Variants in CSPG4 observed in about 807,000 individuals in gnomAD.
CSPG4 encodes chondroitin sulfate proteoglycan 4 (melanoma-associated).
CSPG4 carries 74 observed loss-of-function variants against 139.3 expected under a neutral mutation model. The ratio of observed to expected loss-of-function variants is 0.53; its 90% CI spans 0.44 to 0.64. The LOEUF (loss-of-function observed/expected upper bound fraction) is 0.64, where lower values mean the gene tolerates loss of function less well. Ranked by LOEUF, CSPG4 falls within the 30% of genes least tolerant of loss-of-function variation. CSPG4 has a pLI of 0.00. For synonymous variants in CSPG4, 1,234 were observed against 1,394.2 expected (o/e 0.89, Z 2.56); for missense variants, 2,565 against 3,148.3 (o/e 0.81, Z 4.43).
chr15:75,688,746 C>A lies in CSPG4; in HGVS notation c.2319G>T (p.Leu773=). ...VQVGQEILSN[L]SFPVTIQRAT... ...CTCTCTGGATGGTCACTGGGAAGGACAGATTGCTCAGGATCTCCTGGCCCA... is the reference window on the plus strand; with the variant it reads ...CTCTCTGGATGGTCACTGGGAAGGAAAGATTGCTCAGGATCTCCTGGCCCA... Residue 773 remains leucine, a synonymous_variant, in exon 3 of 10, where the codon CTG becomes CTT. Transcript: ENST00000308508. The A allele has an allele frequency of 2.5e-6, 4 of 1,612,328 alleles. No homozygotes were observed. The South Asian group carries it at 4.4e-5, about 18-fold the overall frequency.
At chr15:75,711,135 T>C (rs1273023328) in intron 1 of CSPG4, among the ~76,000 whole-genome samples, 2 of 151,682 alleles carry the variant, frequency 1.3e-5, no homozygotes. Flanking sequence ...CTGACTCCCT[T>C]CCCATCCACC....
At chr15:75,691,001 C>T (rs773123785) in intron 2 of CSPG4, among the ~76,000 whole-genome samples, 189 bp from the exon 3 acceptor site, 1 of 152,238 alleles carries the variant, frequency 6.6e-6, no homozygotes, top group East Asian at 1.9e-4. Flanking sequence ...ATGGAGAAAC[C>T]CTGTCTCTAC....
At chr15:75,685,994 C>T (rs747231046) in intron 3 of CSPG4, among the ~76,000 whole-genome samples, 7 of 152,178 alleles carry the variant, frequency 4.6e-5, no homozygotes, top group Non-Finnish European at 8.8e-5. Flanking sequence ...CTCAAGGGAT[C>T]CTCCTACCTC....
chr15:75,689,703 G>C lies in CSPG4; in HGVS notation c.1362C>G (p.Pro454=). 6.2e-7 allele frequency: 1 copy of C among 1,612,894 alleles called. No individual in the cohort carries two copies. Among genetic ancestry groups the C allele is most frequent in the East Asian group, 2.2e-5 (1 of 44,886 alleles). Residue 454 remains proline, a synonymous_variant, in exon 3 of 10, where the codon CCC becomes CCG. Transcript: ENST00000308508. The part of the protein sequence containing the change: ...TAWLEWRHVQ[P]TLDLMEAELR... Reference sequence around the variant, plus strand: ...GCTCAGCCTCCATCAGGTCCAGCGTGGGCTGCACATGCCTCCACTCAAGCC... The same window carrying C: ...GCTCAGCCTCCATCAGGTCCAGCGTCGGCTGCACATGCCTCCACTCAAGCC...
intron 8 of CSPG4, among the ~76,000 whole-genome samples, chr15:75,678,187 T>G (rs1015296824): frequency 6.6e-6 from 1 of 152,174 alleles, no homozygotes; most frequent in Non-Finnish European, 1.5e-5. Flanking sequence ...AAGCGAGTAC[T>G]TCCTCTTGTG....
In CSPG4 at chr15:75,685,500, C is replaced by G; in HGVS notation, c.3991G>C (p.Ala1331Pro). 1 of 1,610,954 alleles carries G rather than the reference C, an allele frequency of 6.2e-7. No homozygotes were observed. The highest frequency in any genetic ancestry group is 8.5e-7 in the Non-Finnish European group (1 of 1,179,534). ...CCTGAGGCCACATCCAGCGAGAAGGCATCGCTCCAGGCCTCAGGGCGGGAG... is the reference window on the plus strand; with the variant it reads ...CCTGAGGCCACATCCAGCGAGAAGGGATCGCTCCAGGCCTCAGGGCGGGAG... ...LHSRPEAWSD[A>P]FSLDVASGLG... The change falls in exon 4 of 10, where the codon GCC becomes CCC. Residue 1331 changes from alanine to proline, a missense_variant. By Grantham distance (27) the Ala-to-Pro change is conservative (BLOSUM62 -1). This residue lies in a region of CSPG4 where 2,316 missense variants were observed against 2,818.2 expected (regional missense o/e 0.82). Transcript: ENST00000308508.
chr15:75,700,225 G>C (rs1894283324), intron 1 of CSPG4, among the ~76,000 whole-genome samples: 1 of 152,200 alleles, frequency 6.6e-6, no homozygotes, highest in African/African-American at 2.4e-5. Context: ...GAGAGGCGTG[G>C]TGGGTTTGCT....
At chr15:75,693,273 T>G (rs761342999) in intron 1 of CSPG4, 40 bp from the exon 2 acceptor site, 4 of 1,452,114 alleles carry the variant, frequency 2.8e-6, no homozygotes, top group African/African-American at 1.4e-5. Flanking sequence ...CTCAGACTCT[T>G]GCCTGGAGGA....
At chr15:75,683,298 C>T (rs1316675781) in intron 5 of CSPG4, among the ~76,000 whole-genome samples, 1 of 152,152 alleles carries the variant, frequency 6.6e-6, no homozygotes, top group Non-Finnish European at 1.5e-5. Flanking sequence ...CCTGTGTGTC[C>T]CTCAAGGCCA....
Position 75,676,321 on chromosome 15 carries a change from G to A in CSPG4, c.6198C>T (p.Thr2066=), listed in dbSNP as rs112661884. 478 of 1,610,734 alleles carry A rather than the reference G, an allele frequency of 3.0e-4. 1 individual carries two copies. Among genetic ancestry groups the A allele is most frequent in the African/African-American group, 1.5e-3 (116 of 75,048 alleles). The stretch of plus-strand genomic sequence containing the variant: ...TGGCCAGCTCGCCAGCATCTAGGAC[G>A]GTGGGGTCCAGGCGCAGGGTGGCAC... The part of the protein sequence containing the change: ...PQGATLRLDP[T]VLDAGELANR... Residue 2066 remains threonine, a synonymous_variant, in exon 10 of 10, where the codon ACC becomes ACT. Transcript: ENST00000308508.
In CSPG4 at chr15:75,674,548, C is replaced by A. The variant is rs370384870; in HGVS notation, c.*1002G>T. The stretch of plus-strand genomic sequence containing the variant: ...CTGAGGCCAGGCCGGAGGGCCGACC[C>A]CAGGGGCCCTCTGTATGCAAGCCGA... On this transcript the variant is annotated 3_prime_UTR_variant, in exon 10 of 10. Transcript: ENST00000308508. 72 of 392,614 alleles carry A rather than the reference C, an allele frequency of 1.8e-4. 1 individual carries two copies. The highest frequency in any genetic ancestry group is 2.9e-4 in the Non-Finnish European group (64 of 222,596). 24.3% of individuals were successfully genotyped at this position (392,614 alleles called of 1,614,324 possible). A position where few individuals can be genotyped will look rare whatever the true frequency, so the allele number is the denominator to read the frequency against.
Position 75,712,814 on chromosome 15 carries a change from C to T in CSPG4, c.-59G>A, listed in dbSNP as rs926533235. 7 of 1,418,452 alleles carry T rather than the reference C, an allele frequency of 4.9e-6. No homozygotes were observed. The African/African-American group carries it at 8.9e-5, about 18-fold the overall frequency. The allele number at this position is 1,418,452 out of a possible 1,614,324, so 87.9% of individuals were successfully genotyped here. On this transcript the variant is annotated 5_prime_UTR_variant, in exon 1 of 10. Coordinates refer to ENST00000308508, the MANE Select transcript of CSPG4 (RefSeq NM_001897.5). ...CCAGCGGAGTCCTGGGAGCTGGGAG[C>T]TGAGTGGAGCGAGCGCGGCTCTGCT... is the stretch of plus-strand genomic sequence containing the variant.
intron 1 of CSPG4, among the ~76,000 whole-genome samples, chr15:75,705,333 G>A (rs554966327): frequency 7.7e-4 from 117 of 152,204 alleles, no homozygotes; most frequent in African/African-American, 2.7e-3. Context: ...ACAGACTCAC[G>A]GGGCCACCTC....
chr15:75,684,319 C>T (rs899913232), intron 5 of CSPG4, among the ~76,000 whole-genome samples: 2 of 152,240 alleles, frequency 1.3e-5, no homozygotes, highest in Non-Finnish European at 2.9e-5. Context: ...TCCTGCTGGG[C>T]GTGGAACAGC....
chr15:75,709,939 C>T (rs1298702353), intron 1 of CSPG4, among the ~76,000 whole-genome samples: 1 of 151,772 alleles, frequency 6.6e-6, no homozygotes, highest in African/African-American at 2.4e-5. Context: ...GGGCTCTGGC[C>T]CCTGGGCCCT....
upstream of CSPG4, chr15:75,712,904 CGCGCGCCCG>C: frequency 1.7e-6 from 1 of 594,812 alleles, no homozygotes; most frequent in Non-Finnish European, 2.8e-6. Flanking sequence ...GGCGCAGACC[CGCGCGCCCG>C]CTCGGGTTTC....
intron 1 of CSPG4, among the ~76,000 whole-genome samples, chr15:75,699,853 T>C (rs1894278338): frequency 6.6e-6 from 1 of 152,120 alleles, no homozygotes; most frequent in Non-Finnish European, 1.5e-5. Context: ...ATCTTCCCTC[T>C]TGGACAGGGA....
chr15:75,688,338 C>A lies in CSPG4; in HGVS notation c.2727G>T (p.Val909=), dbSNP rs1370424722. 6.2e-7 allele frequency: 1 copy of A among 1,613,280 alleles called. No individual in the cohort carries two copies. Among genetic ancestry groups the A allele is most frequent in the Admixed American group, 1.7e-5 (1 of 60,032 alleles). ...AGAGGACACCCTCACCACCCTCAGG[C>A]ACCACGAGGAGGACATTGGTGAGGA... The part of the protein sequence containing the change: ...APVLTNVLLV[V]PEGGEGVLSA... The change falls in exon 3 of 10, where the codon GTG becomes GTT. Residue 909 remains valine (V), a synonymous_variant. Transcript: ENST00000308508.
At chr15:75,703,607 T>C (rs1276427354) in intron 1 of CSPG4, among the ~76,000 whole-genome samples, 1 of 152,060 alleles carries the variant, frequency 6.6e-6, no homozygotes, top group Non-Finnish European at 1.5e-5. Context: ...CAGATTGACC[T>C]TGTCACCAAG....
Sources: allele counts gnomAD v4.1 joint callset (sites outside exome capture counted in the v4.1 genomes callset), GRCh38; gene constraint gnomAD v4.1.1; regional missense constraint gnomAD v4.1.1; transcripts MANE v1.5; gene names NCBI Gene and HGNC (gene_info 2026-07-23, HGNC 2026-07-21).